The following FSTL5 variants were observed in gnomAD, a reference collection of about 807,000 sequenced individuals.
FSTL5 encodes follistatin like 5, also known as follistatin-related protein 5.
In FSTL5, 62 loss-of-function variants were observed where a neutral mutation model predicts 89.1. The ratio of observed to expected loss-of-function variants is 0.70; its 90% CI spans 0.57 to 0.86. The LOEUF (loss-of-function observed/expected upper bound fraction) is 0.86. Among genes scored for constraint, FSTL5 ranks in the 40% least tolerant of loss-of-function variants. The pLI is 0.00. For synonymous variants in FSTL5, 383 were observed against 346.2 expected (o/e 1.11, Z -1.18); for missense variants, 1,057 against 1,001.6 (o/e 1.06, Z -0.75).
chr4:161,787,946 A>C (rs1358840692), intron 4 of FSTL5, among the ~76,000 whole-genome samples: 4 of 152,160 alleles, frequency 2.6e-5, no homozygotes, highest in Non-Finnish European at 5.9e-5. Flanking sequence ...ACAACTTATG[A>C]ATATATTTAA....
chr4:161,686,507 C>T (rs537496080), intron 6 of FSTL5, among the ~76,000 whole-genome samples: 34 of 150,276 alleles, frequency 2.3e-4, no homozygotes, highest in South Asian at 6.4e-4. Context: ...CACAGGCACC[C>T]GCCACCATGC....
chr4:162,104,752 T>C (rs1731149263), intron 2 of FSTL5, among the ~76,000 whole-genome samples: 1 of 152,190 alleles, frequency 6.6e-6, no homozygotes, highest in African/African-American at 2.4e-5. Context: ...AAACTATGTG[T>C]GACAGGCTAT....
At chr4:161,702,042 G>T (rs1300074739) in intron 6 of FSTL5, among the ~76,000 whole-genome samples, 1 of 151,760 alleles carries the variant, frequency 6.6e-6, no homozygotes, top group Admixed American at 6.6e-5. Flanking sequence ...CATTTCAAAG[G>T]GATATAAATA....
intron 2 of FSTL5, among the ~76,000 whole-genome samples, chr4:162,043,726 A>G (rs1165986005): frequency 6.6e-6 from 1 of 152,200 alleles, no homozygotes; most frequent in Non-Finnish European, 1.5e-5. Context: ...CCACTGCTTT[A>G]TCAACTACGT....
intron 15 of FSTL5, among the ~76,000 whole-genome samples, chr4:161,424,837 CA>C (rs1732117281): frequency 1.3e-5 from 2 of 152,202 alleles, no homozygotes; most frequent in African/African-American, 4.8e-5. Context: ...GATCTAAAAA[CA>C]AACCAGTTGT....
intron 15 of FSTL5, among the ~76,000 whole-genome samples, chr4:161,435,170 A>G: frequency 6.6e-6 from 1 of 152,192 alleles, no homozygotes; most frequent in Admixed American, 6.5e-5. Context: ...TTTGGAAGCA[A>G]GCTAAGTGCT....
intron 6 of FSTL5, among the ~76,000 whole-genome samples, chr4:161,726,912 A>ATAT (rs1553961529): frequency 2.0e-5 from 1 of 49,740 alleles, no homozygotes; most frequent in African/African-American, 3.3e-5. Flanking sequence ...AAAAAAAAAA[A>ATAT]ATATATATAT....
intron 1 of FSTL5, among the ~76,000 whole-genome samples, chr4:162,159,908 T>C (rs1043272849): frequency 2.1e-4 from 32 of 152,072 alleles, no homozygotes; most frequent in African/African-American, 7.7e-4. Flanking sequence ...AAAACTGGTA[T>C]GTGCACAAGC....
intron 3 of FSTL5, among the ~76,000 whole-genome samples, chr4:162,016,515 G>T (rs955759589): frequency 6.6e-6 from 1 of 152,144 alleles, no homozygotes; most frequent in Non-Finnish European, 1.5e-5. Context: ...ATAAGAAGTG[G>T]AGAAAATTTG....
At chr4:161,829,347 A>C (rs1024808193) in intron 4 of FSTL5, among the ~76,000 whole-genome samples, 1 of 151,434 alleles carries the variant, frequency 6.6e-6, no homozygotes, top group Admixed American at 6.6e-5. Flanking sequence ...AAAAGAAAAA[A>C]AATGAAGTAA....
At chr4:162,110,057 A>G (rs1416613150) in intron 2 of FSTL5, among the ~76,000 whole-genome samples, 1 of 152,010 alleles carries the variant, frequency 6.6e-6, no homozygotes, top group African/African-American at 2.4e-5. Flanking sequence ...ATATGTCAAG[A>G]CTAGATACTT....
intron 4 of FSTL5, among the ~76,000 whole-genome samples, chr4:161,845,532 T>C: frequency 6.6e-6 from 1 of 152,222 alleles, no homozygotes; most frequent in Non-Finnish European, 1.5e-5. Flanking sequence ...GAGTTCTGCC[T>C]TCAAAGGCAG....
chr4:161,880,611 T>C (rs1309287059), intron 4 of FSTL5, among the ~76,000 whole-genome samples: 1 of 152,156 alleles, frequency 6.6e-6, no homozygotes, highest in African/African-American at 2.4e-5. Flanking sequence ...TTTATAGCTG[T>C]TTTACTCCTA....
At chr4:161,972,471 G>GCA (rs1279644272) in intron 3 of FSTL5, among the ~76,000 whole-genome samples, 2 of 152,184 alleles carry the variant, frequency 1.3e-5, no homozygotes, top group Non-Finnish European at 2.9e-5. Context: ...TTGCTTTGCT[G>GCA]GAGCAAGCTC....
At chr4:161,543,642 A>G (rs1731908047) in intron 8 of FSTL5, among the ~76,000 whole-genome samples, 1 of 152,078 alleles carries the variant, frequency 6.6e-6, no homozygotes, top group East Asian at 1.9e-4. Context: ...GAGAGTGCAG[A>G]AATAAACATA....
chr4:161,839,216 C>T (rs1177370865), intron 4 of FSTL5, among the ~76,000 whole-genome samples: 1 of 151,712 alleles, frequency 6.6e-6, no homozygotes, highest in East Asian at 1.9e-4. Context: ...AGACAAAATG[C>T]AGTATAATTT....
Position 161,455,022 on chromosome 4 carries a change from A to G in FSTL5, c.1823T>C (p.Leu608Pro). ...VDDFFIPTTT[L>P]IITHMRFGFI... ...CACTTACCTCATATGGGTGATAATGAGTGTTGTGGTGGGAATGAAAAAATC... is the reference window on the plus strand; with the variant it reads ...CACTTACCTCATATGGGTGATAATGGGTGTTGTGGTGGGAATGAAAAAATC... The change falls in exon 15 of 16, where the codon CTC becomes CCC. Residue 608 changes from leucine to proline, a missense_variant. Physicochemically the swap from Leu to Pro is moderately conservative, Grantham distance 98. Coordinates refer to ENST00000306100, the MANE Select transcript of FSTL5 (RefSeq NM_020116.5). 1 of 1,613,572 alleles carries G rather than the reference A, an allele frequency of 6.2e-7. No individual in the cohort carries two copies.
intron 6 of FSTL5, among the ~76,000 whole-genome samples, chr4:161,713,086 A>C (rs1487459318): frequency 6.6e-6 from 1 of 152,180 alleles, no homozygotes; most frequent in Non-Finnish European, 1.5e-5. Flanking sequence ...GTAAGTGTTC[A>C]GAGGTATAGG....
chr4:161,747,549 C>T (rs1430102507), intron 6 of FSTL5, among the ~76,000 whole-genome samples: 1 of 152,220 alleles, frequency 6.6e-6, no homozygotes, highest in African/African-American at 2.4e-5. Context: ...TGCATATCCT[C>T]TCAATGTGAT....
Sources: allele counts gnomAD v4.1 joint callset (sites outside exome capture counted in the v4.1 genomes callset), GRCh38; gene constraint gnomAD v4.1.1; transcripts MANE v1.5; gene names NCBI Gene and HGNC (gene_info 2026-07-23, HGNC 2026-07-21).